Variants in ENPP1 observed in about 807,000 individuals in gnomAD.
ENPP1 encodes the protein ectonucleotide pyrophosphatase/phosphodiesterase family member 1.
Under a neutral mutation model 122.8 loss-of-function variants are expected in ENPP1, and 73 were observed. That is an observed-to-expected ratio of 0.59 (90% CI 0.49 to 0.72). The LOEUF is 0.72. Ranked by LOEUF, ENPP1 falls within the 30% of genes least tolerant of loss-of-function variation. The pLI is 0.00. For missense variants in ENPP1, 978 were observed against 1,128.1 expected (o/e 0.87, Z 1.91); for synonymous variants, 367 against 391.6 (o/e 0.94, Z 0.74).
chr6:131,872,820 T>G, intron 14 of ENPP1, 103 bp from the exon 15 acceptor site: 2 of 1,172,888 alleles, frequency 1.7e-6, no homozygotes. Context: ...TTTATAGATA[T>G]TAGGGAAATA....
intron 1 of ENPP1, chr6:131,826,625 G>C: frequency 1.1e-6 from 1 of 909,694 alleles, no homozygotes; most frequent in South Asian, 1.4e-5. Context: ...ATCAGTTCTA[G>C]GCTTTTCTTA....
chr6:131,851,443 G>C (rs1381690504), intron 4 of ENPP1, 176 bp downstream of exon 4: 8 of 691,482 alleles, frequency 1.2e-5, no homozygotes, highest in Non-Finnish European at 2.0e-5. Context: ...CATGGGGAGA[G>C]AGAGTATGTA....
intron 20 of ENPP1, among the ~76,000 whole-genome samples, chr6:131,880,494 G>T (rs1301045937): frequency 2.7e-5 from 4 of 147,626 alleles, no homozygotes; most frequent in Non-Finnish European, 1.5e-5. Context: ...AACCCGGGAG[G>T]TGGTGGAGCT....
At chr6:131,831,130 A>G (rs1781605662) in intron 1 of ENPP1, among the ~76,000 whole-genome samples, 1 of 151,234 alleles carries the variant, frequency 6.6e-6, no homozygotes, top group African/African-American at 2.4e-5. Flanking sequence ...AAAAAAAAAA[A>G]AAAAAAAGAA....
intron 11 of ENPP1, among the ~76,000 whole-genome samples, chr6:131,867,526 A>T (rs1782106011): frequency 6.6e-6 from 1 of 152,214 alleles, no homozygotes; most frequent in South Asian, 2.1e-4. Flanking sequence ...TAATTTGAAC[A>T]TTTTTGAAAA....
intron 5 of ENPP1, 72 bp from the exon 6 acceptor site, chr6:131,854,854 G>C (rs1781925338): frequency 9.8e-7 from 1 of 1,025,328 alleles, no homozygotes; most frequent in Non-Finnish European, 1.5e-6. Flanking sequence ...GTGCCAAGAA[G>C]GGGGTACATC....
rs984291015 is a variant in ENPP1, at chr6:131,842,902, A to G, written c.241-4874A>G. 3.9e-5 allele frequency among the ~76,000 whole-genome samples: 6 copies of G among 152,042 alleles called. No individual in the cohort carries two copies. In the South Asian group the frequency reaches 6.2e-4, roughly 16 times the overall value. On this transcript the variant is annotated intron_variant, in intron 1 of 24. Transcript: ENST00000647893. Reference sequence around the variant, plus strand: ...GGTGAGGGAAAAAAATTTTTTTTTTAGTATTTCTTTTGACTCACTAAATGT... The same window carrying G: ...GGTGAGGGAAAAAAATTTTTTTTTTGGTATTTCTTTTGACTCACTAAATGT...
chr6:131,875,046 GGA>G (rs1410256017), intron 16 of ENPP1, among the ~76,000 whole-genome samples: 1 of 152,036 alleles, frequency 6.6e-6, no homozygotes, highest in Non-Finnish European at 1.5e-5. Flanking sequence ...AATAAACATT[GGA>G]GACTCCCCAA....
intron 24 of ENPP1, among the ~76,000 whole-genome samples, chr6:131,890,067 C>A (rs1209977432): frequency 6.6e-6 from 1 of 152,136 alleles, no homozygotes; most frequent in African/African-American, 2.4e-5. Context: ...AACCCCACGC[C>A]ATTGAAGTTT....
intron 1 of ENPP1, among the ~76,000 whole-genome samples, chr6:131,844,005 C>T (rs1185220928): frequency 2.6e-5 from 4 of 152,142 alleles, no homozygotes; most frequent in Non-Finnish European, 5.9e-5. Flanking sequence ...ATATCTTCCT[C>T]TCAGCCTTCT....
At position 131,869,340 on chromosome 6, in the gene ENPP1, A is replaced by G; in HGVS notation, c.1274-18A>G. The G allele has an allele frequency of 6.5e-7, 1 of 1,540,784 alleles. No homozygotes were observed. Among genetic ancestry groups the G allele is most frequent in the Non-Finnish European group, 8.9e-7 (1 of 1,123,868 alleles). On this transcript the variant is annotated intron_variant, in intron 12 of 24. Coordinates refer to ENST00000647893, the MANE Select transcript of ENPP1 (RefSeq NM_006208.3). ...TGTTAAAGTTACAGCATGTTTTGGG[A>G]TTTTTTTTTTCTCCTAGGCATGGAA...
intron 1 of ENPP1, among the ~76,000 whole-genome samples, chr6:131,819,347 A>G (rs940582003): frequency 6.6e-6 from 1 of 152,262 alleles, no homozygotes; most frequent in Non-Finnish European, 1.5e-5. Context: ...GAGCACAGAT[A>G]TATGCATTCT....
At chr6:131,867,812 C>G (rs1782108934) in intron 11 of ENPP1, among the ~76,000 whole-genome samples, 1 of 152,032 alleles carries the variant, frequency 6.6e-6, no homozygotes, top group South Asian at 2.1e-4. Flanking sequence ...ATTTACTGTT[C>G]TTTGTATCTC....
chr6:131,827,169 A>G, intron 1 of ENPP1: 1 of 750,288 alleles, frequency 1.3e-6, no homozygotes, highest in Non-Finnish European at 2.5e-6. Context: ...TGTCTTGGAC[A>G]TTTTCCACAA....
At chr6:131,883,481 T>C (rs1255348370) in intron 21 of ENPP1, among the ~76,000 whole-genome samples, 1 of 152,244 alleles carries the variant, frequency 6.6e-6, no homozygotes, top group African/African-American at 2.4e-5. Flanking sequence ...TTCGTTGACA[T>C]GCTCATCTTG....
chr6:131,842,108 C>T (rs1046150923), intron 1 of ENPP1, among the ~76,000 whole-genome samples: 4 of 152,132 alleles, frequency 2.6e-5, no homozygotes, highest in Admixed American at 6.6e-5. Flanking sequence ...TATCAACCCC[C>T]GGTCCTTGGC....
rs1247975902 is a variant in ENPP1 at position 131,894,041 on chromosome 6, C to T, written c.*3530C>T. 6.8e-6 allele frequency: 1 copy of T among 147,836 alleles called. No individual in the cohort carries two copies. The highest frequency in any genetic ancestry group is 2.5e-5 in the African/African-American group (1 of 39,408). 9.2% of individuals were successfully genotyped at this position (147,836 alleles called of 1,614,324 possible). A position where few individuals can be genotyped will look rare whatever the true frequency, so the allele number is the denominator to read the frequency against. ...AGATCTTGGCTCACTGCAAGCTCCG[C>T]CTCCCAGGTTCACGCCATTCTCCTG... On this transcript the variant is annotated 3_prime_UTR_variant, in exon 25 of 25. Transcript: ENST00000647893.
chr6:131,877,413 T>C (rs1257176449), intron 18 of ENPP1: 6 of 515,250 alleles, frequency 1.2e-5, no homozygotes, highest in Non-Finnish European at 2.1e-5. Context: ...TGGTGAAGTC[T>C]AGTTAGTTGA....
At chr6:131,821,050 C>G (rs1216025729) in intron 1 of ENPP1, among the ~76,000 whole-genome samples, 2 of 152,020 alleles carry the variant, frequency 1.3e-5, no homozygotes, top group East Asian at 3.9e-4. Context: ...TTTTATTTTA[C>G]CTTACTCAGA....
Sources: allele counts gnomAD v4.1 joint callset (sites outside exome capture counted in the v4.1 genomes callset), GRCh38; gene constraint gnomAD v4.1.1; transcripts MANE v1.5; gene names NCBI Gene and HGNC (gene_info 2026-07-23, HGNC 2026-07-21).